Variants in RNF128 observed in about 807,000 individuals in gnomAD.
The protein encoded by RNF128 is E3 ubiquitin-protein ligase RNF128.
In RNF128, 13 loss-of-function variants were observed where a neutral mutation model predicts 26.2. The observed-to-expected ratio is 0.50, with a 90% confidence interval of 0.32 to 0.79. The LOEUF (loss-of-function observed/expected upper bound fraction) is 0.79. Among genes scored for constraint, RNF128 ranks in the 30% least tolerant of loss-of-function variants. The probability of loss-of-function intolerance (pLI) is 0.03; values close to 1 mark genes in which losing one functional copy is unlikely to be tolerated. For synonymous variants in RNF128, 149 were observed against 142.5 expected, an observed-to-expected ratio of 1.05 and a Z score of -0.32; for missense variants, 315 against 349.7, an observed-to-expected ratio of 0.90 and a Z score of 0.79.
chrX:106,757,872 T>A (rs985934237), intron 1 of RNF128, among the ~76,000 whole-genome samples: 3 of 112,042 alleles, frequency 2.7e-5, no homozygotes, highest in African/African-American at 9.7e-5. Context: ...TTTCCTTTAA[T>A]ACCTGGAACA....
chrX:106,765,803 G>T (rs181520803), intron 1 of RNF128, among the ~76,000 whole-genome samples: 1 of 110,688 alleles, frequency 9.0e-6, no homozygotes, highest in East Asian at 2.8e-4. Flanking sequence ...TGCCATGTTG[G>T]TGTGCTGCAC....
chrX:106,734,757 A>G (rs1439743019), intron 1 of RNF128, among the ~76,000 whole-genome samples: 1 of 112,145 alleles, frequency 8.9e-6, no homozygotes, highest in East Asian at 2.8e-4. Context: ...CTCACGCTCC[A>G]ATATGAAGAA....
chrX:106,766,799 G>C (rs773170301), intron 1 of RNF128, among the ~76,000 whole-genome samples: 15 of 111,664 alleles, frequency 1.3e-4, no homozygotes, highest in African/African-American at 4.9e-4. Flanking sequence ...CATGCCTATG[G>C]CCTGAATGGT....
Position 106,726,871 on chromosome X carries a change from G to C in RNF128, c.-43G>C. ...CCAGGGTCCTGCCAAGCGCTAGGAG[G>C]GCGCGTGCCAGGGGCGCTAGGGAAC... On this transcript the variant is annotated 5_prime_UTR_variant, in exon 1 of 7. Coordinates refer to ENST00000255499, the MANE Select transcript of RNF128 (RefSeq NM_194463.2). The C allele has an allele frequency of 8.8e-7, 1 of 1,132,805 alleles. No individual in the cohort carries two copies. The highest frequency in any genetic ancestry group is 1.2e-6 in the Non-Finnish European group (1 of 860,802). 93.4% of individuals were successfully genotyped at this position (1,132,805 alleles called of 1,213,427 possible).
chrX:106,695,670 C>T (rs180954261), intron 1 of RNF128, among the ~76,000 whole-genome samples: 2 of 111,607 alleles, frequency 1.8e-5, no homozygotes, highest in Non-Finnish European at 3.8e-5. Context: ...TGTGTTTTTA[C>T]GAGTGACTTT....
intron 1 of RNF128, among the ~76,000 whole-genome samples, chrX:106,707,997 T>C (rs1399259285): frequency 8.9e-6 from 1 of 111,733 alleles, no homozygotes; most frequent in Non-Finnish European, 1.9e-5. Context: ...CAGGCCCTCA[T>C]TGATGAATGA....
rs780280332 is a variant in RNF128, at chrX:106,727,360, C to G, written c.447C>G (p.Pro149=). The G allele has an allele frequency of 6.6e-6, 8 of 1,209,281 alleles. No homozygotes were observed. The highest frequency in any genetic ancestry group is 2.2e-5 in the Admixed American group (1 of 45,782). ...GASGAVIFNF[P]GTRNEVIPMS... Reference sequence around the variant, plus strand: ...CTGGAGCCGTCATCTTTAACTTCCCCGGGACCCGCAATGAGGTCATCCCCA... The same window carrying G: ...CTGGAGCCGTCATCTTTAACTTCCCGGGGACCCGCAATGAGGTCATCCCCA... Residue 149 remains proline, a synonymous_variant, in exon 1 of 7, where the codon CCC becomes CCG. Coordinates refer to ENST00000255499, the MANE Select transcript of RNF128 (RefSeq NM_194463.2).
chrX:106,795,529 TAAAAG>T (rs1222260760), intron 6 of RNF128, 46 bp from the exon 7 acceptor site: 14 of 1,130,490 alleles, frequency 1.2e-5, no homozygotes, highest in Non-Finnish European at 1.4e-5. Context: ...AATTTTGTCT[TAAAAG>T]AGGAGAGGGG....
intron 1 of RNF128, among the ~76,000 whole-genome samples, chrX:106,728,520 G>T (rs1293436869): frequency 1.8e-5 from 2 of 112,071 alleles, no homozygotes; most frequent in Non-Finnish European, 3.8e-5. Flanking sequence ...TCTCAGTAAG[G>T]GTTAGCTGAT....
intron 1 of RNF128, among the ~76,000 whole-genome samples, chrX:106,769,804 G>A (rs1328609922): frequency 1.8e-5 from 2 of 110,547 alleles, no homozygotes; most frequent in Admixed American, 9.7e-5. Context: ...GATGTTAGCT[G>A]GTTATTTTGC....
In RNF128 at chrX:106,764,935, A is replaced by G. The variant is rs972858707; in HGVS notation, c.485-7978A>G. Among the ~76,000 whole-genome samples the G allele has an allele frequency of 2.7e-5, 3 of 111,136 alleles. No individual in the cohort carries two copies. In the East Asian group the frequency reaches 8.5e-4, roughly 31 times the overall value. Reference sequence around the variant, plus strand: ...TTTAGTGCCATAGCTAAAAATTTAAAGCCCCTAAATAAATAGAAAAAAAGG... The same window carrying G: ...TTTAGTGCCATAGCTAAAAATTTAAGGCCCCTAAATAAATAGAAAAAAAGG... On this transcript the variant is annotated intron_variant, in intron 1 of 6. Transcript: ENST00000255499.
intron 1 of RNF128, among the ~76,000 whole-genome samples, chrX:106,714,883 C>T (rs746083215): frequency 9.0e-6 from 1 of 111,673 alleles, no homozygotes; most frequent in South Asian, 3.8e-4. Flanking sequence ...ATATTAATAG[C>T]TCCTTTCTTT....
intron 1 of RNF128, among the ~76,000 whole-genome samples, chrX:106,763,078 T>C (rs954846701): frequency 9.2e-6 from 1 of 108,472 alleles, no homozygotes; most frequent in Non-Finnish European, 1.9e-5. Context: ...TAGGAGCCAC[T>C]AAAGACTCCT....
At chrX:106,708,703 C>G (rs1358588788) in intron 1 of RNF128, among the ~76,000 whole-genome samples, 4 of 111,745 alleles carry the variant, frequency 3.6e-5, no homozygotes, top group African/African-American at 1.3e-4. Context: ...ATTTTAGTAG[C>G]AATTCATTTG....
chrX:106,759,371 T>G (rs1930081084), intron 1 of RNF128, among the ~76,000 whole-genome samples: 1 of 111,774 alleles, frequency 8.9e-6, no homozygotes, highest in Non-Finnish European at 1.9e-5. Context: ...TAGAACAATA[T>G]GGAGGTTCCT....
chrX:106,743,605 T>G (rs768710748), intron 1 of RNF128, among the ~76,000 whole-genome samples: 1 of 112,737 alleles, frequency 8.9e-6, no homozygotes, highest in African/African-American at 3.2e-5. Context: ...TTTAAGAAAC[T>G]ACCATTTGTT....
chrX:106,794,270 T>C (rs1930877638), intron 6 of RNF128, among the ~76,000 whole-genome samples: 1 of 111,433 alleles, frequency 9.0e-6, no homozygotes, highest in Admixed American at 9.6e-5. Context: ...GGGAACTTGT[T>C]CAAGTTGGTT....
At chrX:106,726,271 T>C (rs1024904667), upstream of RNF128, among the ~76,000 whole-genome samples, 3 of 110,743 alleles carry the variant, frequency 2.7e-5, no homozygotes, top group Non-Finnish European at 5.7e-5. Context: ...TTCCCCCCTC[T>C]AGAGAATCAG....
intron 1 of RNF128, among the ~76,000 whole-genome samples, chrX:106,720,162 T>C (rs1929285842): frequency 9.1e-6 from 1 of 109,485 alleles, no homozygotes; most frequent in African/African-American, 3.3e-5. Flanking sequence ...CATAGTTCCT[T>C]CCAGCACCTC....
Sources: allele counts gnomAD v4.1 joint callset (sites outside exome capture counted in the v4.1 genomes callset), GRCh38; gene constraint gnomAD v4.1.1; transcripts MANE v1.5; gene names NCBI Gene and HGNC (gene_info 2026-07-23, HGNC 2026-07-21).